Variants in SLC20A2 observed in about 807,000 individuals in gnomAD.
SLC20A2 encodes the protein solute carrier family 20 member 2.
SLC20A2 carries 30 observed loss-of-function variants against 61.0 expected under a neutral mutation model. The observed-to-expected ratio is 0.49, with a 90% confidence interval of 0.37 to 0.67. The LOEUF is 0.67. Ranked by LOEUF, SLC20A2 falls within the 30% of genes least tolerant of loss-of-function variation. SLC20A2 has a pLI of 0.00. For synonymous variants in SLC20A2, 351 were observed against 353.3 expected (o/e 0.99, Z 0.07); for missense variants, 626 against 866.4 (o/e 0.72, Z 3.48).
chr8:42,458,942 C>CA (rs965613913), intron 5 of SLC20A2, among the ~76,000 whole-genome samples: 16 of 119,228 alleles, frequency 1.3e-4, no homozygotes, highest in African/African-American at 2.2e-4. Flanking sequence ...AATTTTTAAC[C>CA]CCCCCCCCCA....
intron 5 of SLC20A2, 129 bp from the exon 6 acceptor site, chr8:42,444,891 ACT>A: frequency 3.2e-6 from 2 of 633,662 alleles, no homozygotes; most frequent in South Asian, 1.9e-5. Context: ...AAAACTCTCA[ACT>A]AAAAAAACAT....
intron 1 of SLC20A2, among the ~76,000 whole-genome samples, chr8:42,525,356 T>C (rs964366464): frequency 1.3e-5 from 2 of 151,576 alleles, no homozygotes; most frequent in Non-Finnish European, 2.9e-5. Flanking sequence ...CCGAGGTGGG[T>C]GGATCACTTG....
At position 42,540,043 on chromosome 8, in the gene SLC20A2, G is replaced by A. The variant is rs570897110; in HGVS notation, c.-265+1778C>T. 1.7e-3 allele frequency among the ~76,000 whole-genome samples: 264 copies of A among 152,344 alleles called. 3 individuals carry two copies. Among genetic ancestry groups the A allele is most frequent in the Non-Finnish European group, 2.7e-3 (186 of 68,034 alleles). ...GCGGTGGCTCACGCCTGTAATCCCA[G>A]CACTTTGGGAGGCCGAGGCGGGCGG... On this transcript the variant is annotated intron_variant, in intron 1 of 10. Coordinates refer to the SLC20A2 transcript ENST00000342228.
At chr8:42,445,803 C>T (rs1805168870) in intron 5 of SLC20A2, among the ~76,000 whole-genome samples, 1 of 152,166 alleles carries the variant, frequency 6.6e-6, no homozygotes, top group Admixed American at 6.6e-5. Context: ...CTCAGCCCAG[C>T]CCACCTGCGG....
At chr8:42,523,770 G>A (rs1327355178) in intron 1 of SLC20A2, among the ~76,000 whole-genome samples, 2 of 152,114 alleles carry the variant, frequency 1.3e-5, no homozygotes, top group African/African-American at 2.4e-5. Context: ...GAAATTACAC[G>A]TAAGAATGTT....
intron 2 of SLC20A2, chr8:42,471,223 A>G (rs1263136393): frequency 4.4e-6 from 2 of 456,218 alleles, no homozygotes; most frequent in Non-Finnish European, 8.8e-6. Context: ...CAGAAAAAGA[A>G]TCCTGTCAGC....
intron 4 of SLC20A2, among the ~76,000 whole-genome samples, chr8:42,462,620 A>T (rs187217897): frequency 6.6e-6 from 1 of 151,628 alleles, no homozygotes; most frequent in East Asian, 1.9e-4. Flanking sequence ...ACACACCTTC[A>T]CATTTGGGTG....
chr8:42,448,042 T>G (rs1197153790), intron 5 of SLC20A2, among the ~76,000 whole-genome samples: 1 of 152,232 alleles, frequency 6.6e-6, no homozygotes, highest in Non-Finnish European at 1.5e-5. Context: ...TCCACCTTCA[T>G]GTAGGGGTTC....
chr8:42,430,496 G>A (rs1043704509), intron 8 of SLC20A2, among the ~76,000 whole-genome samples: 1 of 151,954 alleles, frequency 6.6e-6, no homozygotes, highest in Non-Finnish European at 1.5e-5. Flanking sequence ...CTGAGTAATT[G>A]AGACTACAGC....
intron 8 of SLC20A2, among the ~76,000 whole-genome samples, chr8:42,431,262 C>A (rs1417710176): frequency 6.6e-6 from 1 of 152,110 alleles, no homozygotes; most frequent in Non-Finnish European, 1.5e-5. Flanking sequence ...AATAAGAAAG[C>A]AAAACAGCCT....
At position 42,432,711 on chromosome 8, in the gene SLC20A2, G is replaced by A. The variant is rs1224044313; in HGVS notation, c.1524-2462C>T. 2.0e-5 allele frequency among the ~76,000 whole-genome samples: 3 copies of A among 152,318 alleles called. No individual in the cohort carries two copies. In the South Asian group the frequency reaches 6.2e-4, roughly 32 times the overall value. ...TAATCACCACCACCCTGATGAGTCA[G>A]CAGACATCAACATCAAGGCCCAGAC... On this transcript the variant is annotated intron_variant, in intron 8 of 10. Transcript: ENST00000520262.
At chr8:42,438,423 G>A (rs1483834398) in intron 7 of SLC20A2, among the ~76,000 whole-genome samples, 1 of 151,970 alleles carries the variant, frequency 6.6e-6, no homozygotes, top group African/African-American at 2.4e-5. Context: ...TCTCCCGCCT[G>A]AGCCTCCCAA....
At chr8:42,528,339 T>G (rs1812109630) in intron 1 of SLC20A2, among the ~76,000 whole-genome samples, 1 of 151,784 alleles carries the variant, frequency 6.6e-6, no homozygotes, top group Admixed American at 6.6e-5. Context: ...GTGGGCACCT[T>G]TAGTCCCAGC....
intron 1 of SLC20A2, among the ~76,000 whole-genome samples, chr8:42,497,622 A>G (rs1810021588): frequency 6.6e-6 from 1 of 152,054 alleles, no homozygotes; most frequent in South Asian, 2.1e-4. Context: ...GAACAATTCA[A>G]GAGTCTCCCG....
chr8:42,463,189 T>TTTTG, intron 3 of SLC20A2, 99 bp from the exon 4 acceptor site: 2 of 660,498 alleles, frequency 3.0e-6, no homozygotes, highest in Non-Finnish European at 5.1e-6. Context: ...ATTACATACA[T>TTTTG]TCATAAGTAT....
chr8:42,539,506 T>C (rs775456489), intron 1 of SLC20A2, among the ~76,000 whole-genome samples: 1 of 152,206 alleles, frequency 6.6e-6, no homozygotes, highest in African/African-American at 2.4e-5. Context: ...ACTAAAAACT[T>C]AGACACACAA....
intron 3 of SLC20A2, among the ~76,000 whole-genome samples, chr8:42,465,446 C>T (rs1485218922): frequency 2.6e-5 from 4 of 151,756 alleles, no homozygotes; most frequent in Admixed American, 2.6e-4. Context: ...ATAATCCTGG[C>T]TCTTTGGGAG....
chr8:42,445,569 T>A (rs928529326), intron 5 of SLC20A2, among the ~76,000 whole-genome samples: 1 of 151,584 alleles, frequency 6.6e-6, no homozygotes, highest in African/African-American at 2.4e-5. Context: ...CTACTAAAAA[T>A]ACAAAAACTT....
intron 3 of SLC20A2, 26 bp from the exon 4 acceptor site, chr8:42,463,116 T>A: frequency 7.4e-7 from 1 of 1,348,638 alleles, no homozygotes; most frequent in Non-Finnish European, 1.0e-6. Flanking sequence ...AAAAATCTAA[T>A]GAATGTTAAA....
Sources: gnomAD v4.1 joint callset for allele counts (sites outside exome capture counted in the v4.1 genomes callset) on GRCh38, gnomAD v4.1.1 for gene constraint, MANE v1.5 for transcripts, NCBI Gene and HGNC (gene_info 2026-07-23, HGNC 2026-07-21) for gene names.